The following CNBD1 variants were observed in gnomAD, a reference collection of about 807,000 sequenced individuals.
The protein encoded by CNBD1 is cyclic nucleotide-binding domain-containing protein 1.
CNBD1 carries 71 observed loss-of-function variants against 54.4 expected under a neutral mutation model. That is an observed-to-expected ratio of 1.30 (90% CI 1.08 to 1.59). The LOEUF (loss-of-function observed/expected upper bound fraction) is 1.59. Among genes scored for constraint, CNBD1 ranks in the 40% most tolerant of loss-of-function variants. The pLI, the probability that CNBD1 is intolerant of heterozygous loss-of-function variation, is 0.00. For synonymous variants in CNBD1, 182 were observed against 170.7 expected (o/e 1.07, Z -0.51); for missense variants, 659 against 518.0 (o/e 1.27, Z -2.64).
chr8:87,040,832 TATA>T (rs755867928), intron 4 of CNBD1, among the ~76,000 whole-genome samples: 3 of 151,366 alleles, frequency 2.0e-5, no homozygotes, highest in African/African-American at 4.8e-5. Context: ...CAATAATAAA[TATA>T]ATAAAGCTTT....
At chr8:86,894,095 C>T (rs1808813939) in intron 2 of CNBD1, among the ~76,000 whole-genome samples, 1 of 107,664 alleles carries the variant, frequency 9.3e-6, no homozygotes, top group African/African-American at 3.5e-5. Context: ...CGCTCTGTCG[C>T]CCAGGCCGGA....
At chr8:86,877,697 G>A (rs779217009) in intron 1 of CNBD1, among the ~76,000 whole-genome samples, 4 of 151,716 alleles carry the variant, frequency 2.6e-5, no homozygotes, top group Middle Eastern at 3.2e-3. Context: ...TGCCTTTCTG[G>A]GTCATCGTAT....
chr8:86,965,146 A>G (rs1391769077), intron 4 of CNBD1, among the ~76,000 whole-genome samples: 1 of 152,210 alleles, frequency 6.6e-6, no homozygotes, highest in Non-Finnish European at 1.5e-5. Flanking sequence ...TGCTCATTCT[A>G]CACAGTAGTA....
chr8:87,377,414 G>C (rs1054463215), intron 10 of CNBD1, among the ~76,000 whole-genome samples: 1 of 149,970 alleles, frequency 6.7e-6, no homozygotes, highest in Non-Finnish European at 1.5e-5. Context: ...TTGGTTTTTT[G>C]TTCTTGCGAT....
At chr8:87,344,673 G>A (rs1810134009) in intron 8 of CNBD1, among the ~76,000 whole-genome samples, 1 of 151,830 alleles carries the variant, frequency 6.6e-6, no homozygotes, top group African/African-American at 2.4e-5. Context: ...ATTAATTATT[G>A]TGAAATTAAT....
intron 6 of CNBD1, among the ~76,000 whole-genome samples, chr8:87,277,049 T>C (rs1808496179): frequency 6.6e-6 from 1 of 150,944 alleles, no homozygotes; most frequent in South Asian, 2.1e-4. Context: ...TTTATGAAAG[T>C]GCTGAATCAT....
At chr8:87,422,195 G>A (rs1207503261) in intron 2 of CNBD1, among the ~76,000 whole-genome samples, 1 of 145,920 alleles carries the variant, frequency 6.9e-6, no homozygotes, top group Non-Finnish European at 1.5e-5. Flanking sequence ...AGATGAGTAG[G>A]TTGCAAAAAT....
At chr8:86,928,323 G>A (rs1172162714) in intron 3 of CNBD1, among the ~76,000 whole-genome samples, 1 of 152,142 alleles carries the variant, frequency 6.6e-6, no homozygotes, top group Non-Finnish European at 1.5e-5. Context: ...ACAAGGCCAT[G>A]GGCAAGAGAA....
At chr8:87,196,383 C>T (rs1813723736) in intron 4 of CNBD1, among the ~76,000 whole-genome samples, 1 of 152,144 alleles carries the variant, frequency 6.6e-6, no homozygotes, top group South Asian at 2.1e-4. Context: ...CAGAAAAATG[C>T]AAAAGCTCCC....
At chr8:87,177,579 A>T (rs2130774479) in intron 4 of CNBD1, among the ~76,000 whole-genome samples, 1 of 152,308 alleles carries the variant, frequency 6.6e-6, no homozygotes, top group Non-Finnish European at 1.5e-5. Flanking sequence ...TTATTTTCCT[A>T]AAACCACTGA....
At chr8:87,077,363 A>G (rs2130659987) in intron 4 of CNBD1, among the ~76,000 whole-genome samples, 1 of 150,538 alleles carries the variant, frequency 6.6e-6, no homozygotes, top group Admixed American at 6.6e-5. Context: ...GTGGCCTCAC[A>G]TGGCAGAAAG....
intron 8 of CNBD1, among the ~76,000 whole-genome samples, chr8:87,306,314 A>C (rs1471502226): frequency 2.0e-5 from 3 of 152,186 alleles, no homozygotes; most frequent in Non-Finnish European, 4.4e-5. Context: ...GTAAACTAGT[A>C]TAGCTGCTAT....
intron 10 of CNBD1, among the ~76,000 whole-genome samples, chr8:87,362,607 C>T (rs1810544985): frequency 6.6e-6 from 1 of 151,948 alleles, no homozygotes; most frequent in Non-Finnish European, 1.5e-5. Flanking sequence ...CCAAAGATGG[C>T]CATTAAGAGG....
At chr8:87,195,747 A>G (rs1688892537) in intron 4 of CNBD1, among the ~76,000 whole-genome samples, 1 of 149,160 alleles carries the variant, frequency 6.7e-6, no homozygotes, top group Admixed American at 6.7e-5. Context: ...TAATTTTTGT[A>G]TTGTTAGTGG....
At chr8:87,076,123 A>G (rs543479321) in intron 4 of CNBD1, among the ~76,000 whole-genome samples, 36 of 152,202 alleles carry the variant, frequency 2.4e-4, no homozygotes, top group Non-Finnish European at 3.4e-4. Flanking sequence ...GAGATTTACC[A>G]CCTATATAAG....
intron 6 of CNBD1, among the ~76,000 whole-genome samples, chr8:87,284,025 G>T (rs907376151): frequency 6.6e-6 from 1 of 152,066 alleles, no homozygotes; most frequent in Non-Finnish European, 1.5e-5. Context: ...ATCTTAGATA[G>T]GCATATCGAC....
intron 4 of CNBD1, among the ~76,000 whole-genome samples, chr8:87,138,998 T>C (rs1340442384): frequency 5.9e-5 from 9 of 152,212 alleles, no homozygotes; most frequent in Admixed American, 3.3e-4. Context: ...ATTAACAGGT[T>C]AGAGAAGAGG....
In CNBD1 at chr8:87,182,042, GCTCCTA is replaced by G. The variant is rs988381375; in HGVS notation, c.432-23950_432-23945del. Reference sequence around the variant, plus strand: ...TAGGTAGTTTTTTGACCTTCACCCTGCTCCTAACATCTCACTTGAAGTATGCCCCAG... The same window carrying G: ...TAGGTAGTTTTTTGACCTTCACCCTGACATCTCACTTGAAGTATGCCCCAG... On this transcript the variant is annotated intron_variant, in intron 4 of 10. Transcript: ENST00000518476. This position sits in a 1 kb window ranked among gnomAD's most constrained non-coding sequence, Gnocchi z 4.1. 5.9e-5 allele frequency among the ~76,000 whole-genome samples: 9 copies of G among 152,032 alleles called. No homozygotes were observed. Among genetic ancestry groups the G allele is most frequent in the Non-Finnish European group, 8.8e-5 (6 of 67,990 alleles).
At chr8:87,327,420 G>C (rs1056276228) in intron 8 of CNBD1, among the ~76,000 whole-genome samples, 15 of 152,100 alleles carry the variant, frequency 9.9e-5, no homozygotes, top group African/African-American at 3.4e-4. Context: ...CTGCCTTGCA[G>C]TTTGATCTCA....
Sources: allele counts gnomAD v4.1 joint callset (sites outside exome capture counted in the v4.1 genomes callset), GRCh38; gene constraint gnomAD v4.1.1; non-coding constraint Gnocchi (gnomAD v3.1); transcripts MANE v1.5; gene names NCBI Gene and HGNC (gene_info 2026-07-23, HGNC 2026-07-21).